Variants in SLC24A2 observed in about 807,000 individuals in gnomAD.
SLC24A2 encodes the protein solute carrier family 24 member 2, also known as sodium/potassium/calcium exchanger 2.
In SLC24A2, 36 loss-of-function variants were observed where a neutral mutation model predicts 62.0. The observed-to-expected ratio is 0.58, with a 90% CI of 0.44 to 0.77. The LOEUF (loss-of-function observed/expected upper bound fraction) is 0.77, where lower values mean the gene tolerates loss of function less well. Ranked by LOEUF, SLC24A2 falls within the 30% of genes least tolerant of loss-of-function variation. The pLI, the probability that SLC24A2 is intolerant of heterozygous loss-of-function variation, is 0.00. For synonymous variants in SLC24A2, 358 were observed against 294.0 expected (o/e 1.22, Z -2.23); for missense variants, 846 against 817.9 (o/e 1.03, Z -0.42).
the SLC24A2 span, among the ~76,000 whole-genome samples, chr9:19,974,397 G>T: frequency 6.6e-6 from 1 of 152,136 alleles, no homozygotes; most frequent in Non-Finnish European, 1.5e-5. Flanking sequence ...TTCTAAAGTG[G>T]CAGGGAGCCT....
the SLC24A2 span, among the ~76,000 whole-genome samples, chr9:20,014,590 T>A: frequency 5.9e-4 from 89 of 152,024 alleles, 1 homozygote; most frequent in African/African-American, 2.1e-3. Context: ...CACCATGGAT[T>A]AATTTGGCAA....
the SLC24A2 span, among the ~76,000 whole-genome samples, chr9:20,077,576 C>G: frequency 4.6e-5 from 7 of 152,190 alleles, no homozygotes; most frequent in Non-Finnish European, 5.9e-5. Flanking sequence ...CTGCTACTGG[C>G]TGCCCCCAGC....
At chr9:19,574,732 G>T (rs1031289446) in intron 6 of SLC24A2, among the ~76,000 whole-genome samples, 13 of 152,104 alleles carry the variant, frequency 8.5e-5, no homozygotes, top group African/African-American at 3.1e-4. Context: ...TGACAAAGAG[G>T]AGTACCATCA....
chr9:20,036,601 T>G, the SLC24A2 span, among the ~76,000 whole-genome samples: 1 of 152,188 alleles, frequency 6.6e-6, no homozygotes, highest in Non-Finnish European at 1.5e-5. Context: ...ATTTTCTGCG[T>G]CTGTCTTATT....
intron 5 of SLC24A2, among the ~76,000 whole-genome samples, chr9:19,596,620 G>A (rs375822647): frequency 6.6e-6 from 1 of 152,136 alleles, no homozygotes; most frequent in Non-Finnish European, 1.5e-5. Flanking sequence ...TGGTTAAAAT[G>A]ATATGCCTAT....
At chr9:20,196,768 G>A in the SLC24A2 span, among the ~76,000 whole-genome samples, 1 of 152,084 alleles carries the variant, frequency 6.6e-6, no homozygotes, top group African/African-American at 2.4e-5. Context: ...AGTAAAGCAA[G>A]CTCACTGTGG....
chr9:20,292,873 T>C, the SLC24A2 span, among the ~76,000 whole-genome samples: 1 of 152,224 alleles, frequency 6.6e-6, no homozygotes, highest in Non-Finnish European at 1.5e-5. Context: ...ATTATAGGCA[T>C]AGGCCACCAC....
chr9:19,886,583 T>C, the SLC24A2 span, among the ~76,000 whole-genome samples: 1 of 152,164 alleles, frequency 6.6e-6, no homozygotes, highest in Non-Finnish European at 1.5e-5. Context: ...TGTAGAGAAA[T>C]AGGAACGCTT....
At chr9:19,898,320 C>T in the SLC24A2 span, among the ~76,000 whole-genome samples, 13 of 152,318 alleles carry the variant, frequency 8.5e-5, no homozygotes, top group African/African-American at 2.9e-4. Flanking sequence ...AACCACTGGA[C>T]AAAGAAGACT....
the SLC24A2 span, among the ~76,000 whole-genome samples, chr9:19,995,343 C>G: frequency 6.6e-6 from 1 of 152,132 alleles, no homozygotes; most frequent in African/African-American, 2.4e-5. Flanking sequence ...AACACACATG[C>G]CACAGAGGTA....
chr9:20,280,163 G>C, the SLC24A2 span, among the ~76,000 whole-genome samples: 1 of 152,184 alleles, frequency 6.6e-6, no homozygotes, highest in Non-Finnish European at 1.5e-5. Flanking sequence ...GGGAGAAAGG[G>C]AGCAAAAAAG....
At chr9:20,273,511 T>C in the SLC24A2 span, among the ~76,000 whole-genome samples, 209 of 152,332 alleles carry the variant, frequency 1.4e-3, 1 homozygote, top group African/African-American at 4.7e-3. Flanking sequence ...TTTCCCATGC[T>C]GTTCTCATGA....
intron 2 of SLC24A2, among the ~76,000 whole-genome samples, chr9:19,646,130 G>A (rs139810583): frequency 7.8e-4 from 119 of 152,258 alleles, no homozygotes; most frequent in African/African-American, 2.8e-3. Context: ...CTTACTCTAG[G>A]CACACAGCTA....
the SLC24A2 span, among the ~76,000 whole-genome samples, chr9:20,190,649 A>C: frequency 2.2e-4 from 33 of 152,318 alleles, no homozygotes; most frequent in Admixed American, 7.2e-4. Context: ...TGGATAAATC[A>C]AGAATTTGAA....
the SLC24A2 span, among the ~76,000 whole-genome samples, chr9:20,224,964 G>A: frequency 6.6e-6 from 1 of 152,046 alleles, no homozygotes; most frequent in African/African-American, 2.4e-5. Context: ...CTACAAATAA[G>A]AGGTATGAAA....
chr9:20,225,458 G>C, the SLC24A2 span, among the ~76,000 whole-genome samples: 1 of 145,054 alleles, frequency 6.9e-6, no homozygotes, highest in South Asian at 2.2e-4. Flanking sequence ...CTAAAATATT[G>C]TCTTTATAAT....
the SLC24A2 span, among the ~76,000 whole-genome samples, chr9:20,101,431 GCCT>G: frequency 6.6e-6 from 1 of 152,236 alleles, no homozygotes; most frequent in Non-Finnish European, 1.5e-5. Context: ...GAAACTGTTT[GCCT>G]TGGGGCAGAT....
chr9:19,532,215 G>T (rs891878493), intron 8 of SLC24A2, among the ~76,000 whole-genome samples: 1 of 151,966 alleles, frequency 6.6e-6, no homozygotes, highest in Admixed American at 6.6e-5. Context: ...CCTGAGGTAG[G>T]GTTTACAGGC....
At chr9:19,525,542 T>G (rs1290340614) in intron 9 of SLC24A2, among the ~76,000 whole-genome samples, 1 of 151,758 alleles carries the variant, frequency 6.6e-6, no homozygotes, top group Non-Finnish European at 1.5e-5. Context: ...TAGCTGGGAC[T>G]ACAGGCGTGT....
Sources: allele counts gnomAD v4.1 joint callset (sites outside exome capture counted in the v4.1 genomes callset), GRCh38; gene constraint gnomAD v4.1.1; transcripts MANE v1.5; gene names NCBI Gene and HGNC (gene_info 2026-07-23, HGNC 2026-07-21).